The following RUBCNL variants were observed in gnomAD, a reference collection of about 807,000 sequenced individuals.
RUBCNL encodes the protein rubicon like autophagy enhancer.
In RUBCNL, 62 loss-of-function variants were observed where a neutral mutation model predicts 69.5. The observed-to-expected ratio is 0.89, with a 90% CI of 0.73 to 1.10. The LOEUF (loss-of-function observed/expected upper bound fraction) is 1.10, where lower values mean the gene tolerates loss of function less well. RUBCNL is among the 50% of genes least tolerant of loss of function. The probability of loss-of-function intolerance (pLI) is 0.00; values close to 1 mark genes in which losing one functional copy is unlikely to be tolerated. For missense variants in RUBCNL, 768 were observed against 798.1 expected, an observed-to-expected ratio of 0.96 and a Z score of 0.45; for synonymous variants, 291 against 303.6, an observed-to-expected ratio of 0.96 and a Z score of 0.43.
Position 46,372,275 on chromosome 13 carries a change from T to C in RUBCNL, c.201A>G (p.Gln67=), listed in dbSNP as rs769368667. 11 of 1,613,888 alleles carry C rather than the reference T, an allele frequency of 6.8e-6. No homozygotes were observed. The highest frequency in any genetic ancestry group is 5.0e-5 in the Admixed American group (3 of 60,008). The change falls in exon 3 of 15, where the codon CAA becomes CAG. Residue 67 remains glutamine (Q), a synonymous_variant. Coordinates refer to ENST00000429979, the MANE Select transcript of RUBCNL (RefSeq NM_025113.5). The stretch of plus-strand genomic sequence containing the variant: ...TGTTCCCTGCTGCTGGCACCTGAGA[T>C]TGCAAGTCCTGCGGCTGTTGCTGCA... The part of the protein sequence containing the change: ...QDVQQQPQDL[Q]SQVPAAGNSG...
chr13:46,370,906 C>CA (rs1195665487), intron 3 of RUBCNL, among the ~76,000 whole-genome samples: 4 of 103,728 alleles, frequency 3.9e-5, no homozygotes, highest in Non-Finnish European at 3.9e-5. Flanking sequence ...AGCAAGTGAG[C>CA]AAAAAAATAG....
chr13:46,385,652 C>T (rs908569876), intron 1 of RUBCNL, among the ~76,000 whole-genome samples: 3 of 144,518 alleles, frequency 2.1e-5, no homozygotes, highest in African/African-American at 7.9e-5. Flanking sequence ...TTTACTTATC[C>T]TCTAAAGATC....
chr13:46,374,978 C>T (rs2048957680), intron 2 of RUBCNL, among the ~76,000 whole-genome samples: 1 of 152,198 alleles, frequency 6.6e-6, no homozygotes, highest in South Asian at 2.1e-4. Context: ...CACCTTTCTG[C>T]TTAAGGTAGT....
chr13:46,360,898 C>G (rs1408036288), intron 8 of RUBCNL, among the ~76,000 whole-genome samples: 1 of 152,144 alleles, frequency 6.6e-6, no homozygotes, highest in African/African-American at 2.4e-5. Context: ...TAAGGACAGC[C>G]TCTACCTAAC....
At chr13:46,367,826 TACC>T (rs1439030596) in intron 5 of RUBCNL, among the ~76,000 whole-genome samples, 3 of 152,136 alleles carry the variant, frequency 2.0e-5, no homozygotes, top group African/African-American at 7.2e-5. Flanking sequence ...TTGTCCAGCA[TACC>T]ACACTGTATA....
chr13:46,357,215 C>T (rs2048507359), intron 9 of RUBCNL, among the ~76,000 whole-genome samples: 1 of 151,640 alleles, frequency 6.6e-6, no homozygotes, highest in Non-Finnish European at 1.5e-5. Flanking sequence ...CACCTGTGGT[C>T]CCAGCTACTT....
intron 2 of RUBCNL, among the ~76,000 whole-genome samples, chr13:46,373,654 C>T (rs2048927658): frequency 6.6e-6 from 1 of 152,228 alleles, no homozygotes; most frequent in African/African-American, 2.4e-5. Context: ...AAGCAACTTT[C>T]AACAGCAAAA....
chr13:46,381,006 C>T (rs550748234), intron 1 of RUBCNL, among the ~76,000 whole-genome samples: 2 of 152,230 alleles, frequency 1.3e-5, no homozygotes, highest in African/African-American at 4.8e-5. Context: ...GCTAGATTTC[C>T]ATGTTTGGGC....
chr13:46,367,077 TAAG>T (rs1386540176), intron 5 of RUBCNL, among the ~76,000 whole-genome samples: 1 of 152,016 alleles, frequency 6.6e-6, no homozygotes, highest in Non-Finnish European at 1.5e-5. Context: ...AGGCAGGACT[TAAG>T]AAATGGTAAG....
intron 5 of RUBCNL, among the ~76,000 whole-genome samples, chr13:46,364,066 G>A (rs1030565159): frequency 3.3e-5 from 5 of 151,980 alleles, no homozygotes; most frequent in Admixed American, 2.6e-4. Flanking sequence ...AAGGAATACA[G>A]TTGTTTAAGG....
intron 10 of RUBCNL, among the ~76,000 whole-genome samples, chr13:46,355,261 G>T (rs1341847889): frequency 1.3e-5 from 2 of 151,294 alleles, no homozygotes; most frequent in African/African-American, 4.9e-5. Context: ...TCTCAAGGGG[G>T]AAACTTGCAT....
At chr13:46,360,183 G>A (rs148946538) in intron 8 of RUBCNL, among the ~76,000 whole-genome samples, 2 of 152,158 alleles carry the variant, frequency 1.3e-5, no homozygotes, top group East Asian at 1.9e-4. Flanking sequence ...GAGGTCAGGA[G>A]TTTGAGACCA....
chr13:46,344,644 C>T, intron 14 of RUBCNL, 97 bp downstream of exon 14: 2 of 773,350 alleles, frequency 2.6e-6, no homozygotes, highest in South Asian at 1.6e-5. Flanking sequence ...AATTATTAAG[C>T]TATTATTCAG....
Position 46,345,539 on chromosome 13 carries a change from G to GT in RUBCNL, c.1692_1693insA (p.Leu565ThrfsTer2), listed in dbSNP as rs777729373. 13 of 1,613,118 alleles carry GT rather than the reference G, an allele frequency of 8.1e-6. No individual in the cohort carries two copies. The highest frequency in any genetic ancestry group is 1.1e-5 in the Non-Finnish European group (13 of 1,179,624). Reference sequence around the variant, plus strand: ...TTCTTGATCCTGACCAGGTCCTCAAGGGAGAACAGGTGGAGCTCATCAGTC... The same window carrying GT: ...TTCTTGATCCTGACCAGGTCCTCAAGTGGAGAACAGGTGGAGCTCATCAGTC... On this transcript the variant is annotated frameshift_variant, in exon 13 of 15. Coordinates refer to ENST00000429979, the MANE Select transcript of RUBCNL (RefSeq NM_025113.5). LOFTEE classifies it high-confidence loss of function.
chr13:46,340,450 T>C lies in RUBCNL; in HGVS notation c.*2935A>G, dbSNP rs1374602563. The stretch of plus-strand genomic sequence containing the variant: ...TTGTACCAGGCCTTTTAGTGGGTGC[T>C]TCATTTTCATTTCTAATCCTTATCT... On this transcript the variant is annotated 3_prime_UTR_variant, in exon 15 of 15. Coordinates refer to ENST00000429979, the MANE Select transcript of RUBCNL (RefSeq NM_025113.5). Among the ~76,000 whole-genome samples the C allele has an allele frequency of 6.6e-6, 1 of 152,216 alleles. No individual in the cohort carries two copies. Among genetic ancestry groups the C allele is most frequent in the Non-Finnish European group, 1.5e-5 (1 of 68,042 alleles).
rs1566059562 is a variant in RUBCNL, at chr13:46,343,271, TC to T, written c.*113del. On this transcript the variant is annotated 3_prime_UTR_variant, in exon 15 of 15. Transcript: ENST00000429979. ...TATGCAATAAAGAGAATATAGACCA[TC>T]TTTTTCCTTAATATACAATACCCAA... 1.3e-6 allele frequency: 2 copies of T among 1,489,702 alleles called. No individual in the cohort carries two copies. Among genetic ancestry groups the T allele is most frequent in the Admixed American group, 4.0e-5 (2 of 49,726 alleles). The allele number at this position is 1,489,702 out of a possible 1,614,324, so 92.3% of individuals were successfully genotyped here.
intron 1 of RUBCNL, 49 bp downstream of exon 1, chr13:46,387,085 T>G: frequency 1.0e-6 from 1 of 984,198 alleles, no homozygotes; most frequent in Non-Finnish European, 1.2e-6. Context: ...CCAACCACCC[T>G]CTCCACCCCG....
intron 12 of RUBCNL, among the ~76,000 whole-genome samples, chr13:46,346,680 C>G (rs887185198): frequency 3.3e-5 from 5 of 152,106 alleles, no homozygotes; most frequent in East Asian, 3.8e-4. Flanking sequence ...AGGCTCAAAA[C>G]CAAATGACTC....
chr13:46,336,905 T>C lies in RUBCNL; in HGVS notation c.*6480A>G, dbSNP rs2048108358. 6.6e-6 allele frequency among the ~76,000 whole-genome samples: 1 copy of C among 152,042 alleles called. No individual in the cohort carries two copies. The highest frequency in any genetic ancestry group is 1.5e-5 in the Non-Finnish European group (1 of 68,024). ...TTTTAATGTAAGGAATACTAGATAATATGGATAACTCAGAGGAGTAGAATA... is the reference window on the plus strand; with the variant it reads ...TTTTAATGTAAGGAATACTAGATAACATGGATAACTCAGAGGAGTAGAATA... On this transcript the variant is annotated 3_prime_UTR_variant, in exon 15 of 15. Transcript: ENST00000429979.
Sources: gnomAD v4.1 joint callset for allele counts (sites outside exome capture counted in the v4.1 genomes callset) on GRCh38, gnomAD v4.1.1 for gene constraint, MANE v1.5 for transcripts, NCBI Gene and HGNC (gene_info 2026-07-23, HGNC 2026-07-21) for gene names.